TMEM38B: variants seen among roughly 807,000 people sequenced by gnomAD.
The protein encoded by TMEM38B is trimeric intracellular cation channel type B.
TMEM38B carries 24 observed loss-of-function variants against 28.7 expected under a neutral mutation model. That is an observed-to-expected ratio of 0.84 (90% CI 0.61 to 1.18). The LOEUF (loss-of-function observed/expected upper bound fraction) is 1.18, where lower values mean the gene tolerates loss of function less well. Ranked by LOEUF, TMEM38B falls within the 50% of genes most tolerant of loss-of-function variation. TMEM38B has a pLI of 0.00. For missense variants in TMEM38B, 380 were observed against 350.9 expected (o/e 1.08, Z -0.66); for synonymous variants, 131 against 127.7 (o/e 1.03, Z -0.17).
intron 5 of TMEM38B, among the ~76,000 whole-genome samples, chr9:105,767,306 T>C (rs1446119917): frequency 2.0e-5 from 3 of 152,202 alleles, no homozygotes; most frequent in African/African-American, 7.2e-5. Flanking sequence ...TTGATTTATA[T>C]GTCTATTTCT....
chr9:105,736,421 A>T (rs1241804087), intron 4 of TMEM38B, among the ~76,000 whole-genome samples: 1 of 150,434 alleles, frequency 6.6e-6, no homozygotes. Context: ...CATTCATTGG[A>T]TTCTTCAGCT....
At chr9:105,750,710 C>T (rs1008484358) in intron 5 of TMEM38B, among the ~76,000 whole-genome samples, 2 of 152,240 alleles carry the variant, frequency 1.3e-5, no homozygotes, top group South Asian at 4.1e-4. Context: ...AGCTAAGAAA[C>T]CGTTGCCAAA....
chr9:105,759,802 G>T (rs1837968342), intron 5 of TMEM38B: 2 of 1,608,518 alleles, frequency 1.2e-6, no homozygotes. Context: ...AGACCAAGAG[G>T]AGTTGTGTAA....
rs757166765 is a variant in TMEM38B at position 105,761,201 on chromosome 9, CAGTG to C, written c.661-12661_661-12658del. Among the ~76,000 whole-genome samples, 76 of 152,166 alleles carry C rather than the reference CAGTG, an allele frequency of 5.0e-4. 1 individual carries two copies. Among genetic ancestry groups the C allele is most frequent in the Admixed American group, 5.2e-4 (8 of 15,272 alleles). On this transcript the variant is annotated intron_variant, in intron 5 of 5. Transcript: ENST00000374692. The stretch of plus-strand genomic sequence containing the variant: ...AGAATGTGAAGAATATTTGAAAACT[CAGTG>C]AGATAATTCTCAGCTGCCAAATGTT...
intron 5 of TMEM38B, among the ~76,000 whole-genome samples, chr9:105,771,727 A>G (rs1439877445): frequency 6.6e-6 from 1 of 152,152 alleles, no homozygotes; most frequent in East Asian, 1.9e-4. Context: ...GGTTAATGTT[A>G]TATTTGGACT....
In TMEM38B at chr9:105,734,129, G is replaced by A. The variant is rs565533847; in HGVS notation, c.542+11508G>A. On this transcript the variant is annotated intron_variant, in intron 4 of 5. Coordinates refer to ENST00000374692, the MANE Select transcript of TMEM38B (RefSeq NM_018112.3). The stretch of plus-strand genomic sequence containing the variant: ...CTTTTGCTGCATCATGTAAGTATTG[G>A]TATATCTTATTTCCATTGTCATTTG... Among the ~76,000 whole-genome samples the A allele has an allele frequency of 6.6e-5, 10 of 151,736 alleles. No individual in the cohort carries two copies. In the South Asian group the frequency reaches 1.3e-3, roughly 19 times the overall value.
chr9:105,757,728 G>A (rs1262363614), intron 5 of TMEM38B, among the ~76,000 whole-genome samples: 1 of 152,184 alleles, frequency 6.6e-6, no homozygotes, highest in Non-Finnish European at 1.5e-5. Context: ...AGGCTGTTGG[G>A]TTTCGAAATT....
At chr9:105,733,632 A>T (rs1460960789) in intron 4 of TMEM38B, among the ~76,000 whole-genome samples, 1 of 151,620 alleles carries the variant, frequency 6.6e-6, no homozygotes, top group African/African-American at 2.4e-5. Flanking sequence ...TTAAGTTTAT[A>T]TTCCAGTCTC....
At chr9:105,708,664 A>G (rs138490634) in intron 2 of TMEM38B, among the ~76,000 whole-genome samples, 3 of 152,144 alleles carry the variant, frequency 2.0e-5, no homozygotes, top group Admixed American at 6.5e-5. Flanking sequence ...AACGTAAGGT[A>G]TTCTTCTACC....
At chr9:105,713,748 G>A (rs781080233) in intron 2 of TMEM38B, among the ~76,000 whole-genome samples, 3 of 152,194 alleles carry the variant, frequency 2.0e-5, no homozygotes, top group Non-Finnish European at 4.4e-5. Flanking sequence ...CACCAGAGGC[G>A]GAACTCATAG....
chr9:105,746,789 G>C (rs1006255941), intron 4 of TMEM38B, among the ~76,000 whole-genome samples: 7 of 152,250 alleles, frequency 4.6e-5, no homozygotes, highest in African/African-American at 7.2e-5. Flanking sequence ...TAGCATGAAG[G>C]GCTGTTGAAT....
At chr9:105,748,236 A>G (rs754848615) in intron 5 of TMEM38B, 46 bp downstream of exon 5, 17 of 1,379,634 alleles carry the variant, frequency 1.2e-5, no homozygotes, top group Admixed American at 3.6e-5. Context: ...CTGTATAACT[A>G]TTCCCCTTTG....
At chr9:105,770,118 G>C (rs957362329) in intron 5 of TMEM38B, among the ~76,000 whole-genome samples, 2 of 151,938 alleles carry the variant, frequency 1.3e-5, no homozygotes, top group African/African-American at 4.8e-5. Context: ...TTGATGTATT[G>C]AATAAGATGT....
chr9:105,712,155 C>T (rs527743684), intron 2 of TMEM38B, among the ~76,000 whole-genome samples: 3 of 152,252 alleles, frequency 2.0e-5, no homozygotes, highest in South Asian at 4.2e-4. Flanking sequence ...GCTCAAGTGA[C>T]CTGCCTGCAT....
intron 2 of TMEM38B, 124 bp downstream of exon 2, chr9:105,705,877 G>T: frequency 1.0e-6 from 1 of 985,872 alleles, no homozygotes; most frequent in Non-Finnish European, 1.4e-6. Flanking sequence ...CATCTGCAAG[G>T]AAGGAACCCA....
chr9:105,774,268 G>GC lies in TMEM38B; in HGVS notation c.*188_*189insC. The GC allele has an allele frequency of 1.8e-6, 1 of 544,952 alleles. No homozygotes were observed. The highest frequency in any genetic ancestry group is 3.4e-5 in the Admixed American group (1 of 29,492). The allele number at this position is 544,952 out of a possible 1,614,324, so 33.8% of individuals were successfully genotyped here. A position where few individuals can be genotyped will look rare whatever the true frequency, so the allele number is the denominator to read the frequency against. On this transcript the variant is annotated 3_prime_UTR_variant, in exon 6 of 6. Coordinates refer to ENST00000374692, the MANE Select transcript of TMEM38B (RefSeq NM_018112.3). ...GGATTGTATTTGTAGAGTGTTACGA[G>GC]TGTATCATGTGATTATGCTTTACCG... is the stretch of plus-strand genomic sequence containing the variant.
At chr9:105,717,762 A>T (rs1436669286) in intron 2 of TMEM38B, among the ~76,000 whole-genome samples, 1 of 152,154 alleles carries the variant, frequency 6.6e-6, no homozygotes, top group African/African-American at 2.4e-5. Context: ...ATAGTCCATT[A>T]TATTAATATC....
intron 2 of TMEM38B, among the ~76,000 whole-genome samples, chr9:105,720,672 A>G (rs1836282129): frequency 6.6e-6 from 1 of 152,128 alleles, no homozygotes; most frequent in African/African-American, 2.4e-5. Flanking sequence ...CAATAAGATT[A>G]ATAGCTTCTT....
intron 5 of TMEM38B, 77 bp downstream of exon 5, chr9:105,748,267 C>T (rs1419682235): frequency 1.0e-6 from 1 of 1,001,732 alleles, no homozygotes; most frequent in Non-Finnish European, 1.5e-6. Flanking sequence ...GCATGCTGGG[C>T]AAGTAAGAGG....
Sources: gnomAD v4.1 joint callset for allele counts (sites outside exome capture counted in the v4.1 genomes callset) on GRCh38, gnomAD v4.1.1 for gene constraint, MANE v1.5 for transcripts, NCBI Gene and HGNC (gene_info 2026-07-23, HGNC 2026-07-21) for gene names.